Variants in MTNAP1 observed in about 807,000 individuals in gnomAD.
MTNAP1 encodes mitochondrial nucleoid associated protein 1, also known as mitochondrial nucleoid-associated protein 1.
At chr17:73,233,715 T>G in the MTNAP1 span, among the ~76,000 whole-genome samples, 1 of 152,022 alleles carries the variant, frequency 6.6e-6, no homozygotes, top group Admixed American at 6.6e-5. Context: ...AATACTAAAA[T>G]TAGCTGGGCG....
At chr17:73,237,581 G>C in the MTNAP1 span, among the ~76,000 whole-genome samples, 1 of 152,192 alleles carries the variant, frequency 6.6e-6, no homozygotes, top group Non-Finnish European at 1.5e-5. Context: ...TTTCTGCCTT[G>C]AGAAGAGGCA....
the MTNAP1 span, chr17:73,236,878 C>G: frequency 6.2e-7 from 1 of 1,614,078 alleles, no homozygotes; most frequent in African/African-American, 1.3e-5. Context: ...GGAGTGGTTT[C>G]CAGAGCTCTA....
chr17:73,237,843 G>A, the MTNAP1 span, among the ~76,000 whole-genome samples: 1 of 152,162 alleles, frequency 6.6e-6, no homozygotes, highest in African/African-American at 2.4e-5. Flanking sequence ...GGGCAGGCAA[G>A]GCAGATAAGT....
chr17:73,236,059 C>G, the MTNAP1 span: 55 of 1,614,032 alleles, frequency 3.4e-5, no homozygotes, highest in Non-Finnish European at 4.4e-5. Context: ...TTCCTCAACT[C>G]TACCTAATGA....
the MTNAP1 span, among the ~76,000 whole-genome samples, chr17:73,246,624 G>C: frequency 6.6e-6 from 1 of 152,164 alleles, no homozygotes; most frequent in African/African-American, 2.4e-5. Flanking sequence ...CTGGAATGCT[G>C]GGGCTACTTT....
At chr17:73,247,523 C>T in the MTNAP1 span, 1 of 572,792 alleles carries the variant, frequency 1.7e-6, no homozygotes, top group Non-Finnish European at 3.1e-6. Context: ...TATCACTTGT[C>T]ATAATCAGGG....
the MTNAP1 span, among the ~76,000 whole-genome samples, chr17:73,241,244 G>A: frequency 7.2e-5 from 11 of 151,998 alleles, no homozygotes; most frequent in East Asian, 5.8e-4. Flanking sequence ...TGCAAGCTCC[G>A]CCTCCTGGGT....
At chr17:73,237,543 C>T in the MTNAP1 span, among the ~76,000 whole-genome samples, 3 of 152,124 alleles carry the variant, frequency 2.0e-5, no homozygotes, top group Non-Finnish European at 2.9e-5. Flanking sequence ...TACACTAGGG[C>T]AGGCTGGCGA....
the MTNAP1 span, among the ~76,000 whole-genome samples, chr17:73,237,234 T>G: frequency 6.6e-6 from 1 of 152,094 alleles, no homozygotes; most frequent in African/African-American, 2.4e-5. Context: ...ATTCAGGAGT[T>G]AAGACCAGCC....
chr17:73,245,296 G>A, the MTNAP1 span: 2 of 1,457,646 alleles, frequency 1.4e-6, no homozygotes, highest in South Asian at 2.9e-5. Context: ...TTTGGGACAG[G>A]GAGAGGGGAG....
the MTNAP1 span, among the ~76,000 whole-genome samples, chr17:73,239,040 C>T: frequency 5.9e-5 from 9 of 152,014 alleles, no homozygotes; most frequent in African/African-American, 1.5e-4. Context: ...TGGGTTCAAG[C>T]GATTCTCCTG....
the MTNAP1 span, chr17:73,248,176 AT>A: frequency 3.2e-6 from 1 of 314,866 alleles, no homozygotes; most frequent in Non-Finnish European, 5.9e-6. Flanking sequence ...CTATCAGTTC[AT>A]TTGCACAGCC....
chr17:73,242,827 T>C, the MTNAP1 span: 2 of 1,282,354 alleles, frequency 1.6e-6, no homozygotes, highest in South Asian at 1.3e-5. Flanking sequence ...TGGGAAAACT[T>C]GAATGACTCG....
the MTNAP1 span, chr17:73,245,809 T>C: frequency 1.3e-6 from 1 of 768,446 alleles, no homozygotes; most frequent in Non-Finnish European, 1.6e-6. Context: ...AATCACATTT[T>C]ATACATCTTA....
At chr17:73,242,417 G>A in the MTNAP1 span, 68 of 1,115,544 alleles carry the variant, frequency 6.1e-5, no homozygotes, top group Non-Finnish European at 7.6e-5. Context: ...GTTTCTCTTC[G>A]GGCTGTTAAG....
the MTNAP1 span, chr17:73,244,706 G>GA: frequency 2.3e-4 from 35 of 150,758 alleles, no homozygotes; most frequent in Middle Eastern, 6.8e-3. Context: ...GACTTCTTAA[G>GA]AAAAAAAAAA....
the MTNAP1 span, among the ~76,000 whole-genome samples, chr17:73,240,428 G>C: frequency 6.6e-6 from 1 of 152,156 alleles, no homozygotes; most frequent in South Asian, 2.1e-4. Context: ...AGAGACCCTA[G>C]GATCAGGTCA....
At chr17:73,239,135 C>T in the MTNAP1 span, among the ~76,000 whole-genome samples, 2 of 151,944 alleles carry the variant, frequency 1.3e-5, no homozygotes, top group African/African-American at 4.8e-5. Context: ...GGGGTTTCTC[C>T]GTGTTGGTCA....
chr17:73,246,422 G>A, the MTNAP1 span, among the ~76,000 whole-genome samples: 1 of 152,132 alleles, frequency 6.6e-6, no homozygotes, highest in East Asian at 1.9e-4. Context: ...TGTAGTCCCA[G>A]CTACTCAGGA....
Sources: allele counts gnomAD v4.1 joint callset (sites outside exome capture counted in the v4.1 genomes callset), GRCh38; gene constraint gnomAD v4.1.1; transcripts MANE v1.5; gene names NCBI Gene and HGNC (gene_info 2026-07-23, HGNC 2026-07-21).